Variants in FBXL17 observed in about 807,000 individuals in gnomAD.
FBXL17 encodes F-box and leucine rich repeat protein 17.
A neutral mutation model predicts 66.2 loss-of-function variants in FBXL17; 22 were observed. The ratio of observed to expected loss-of-function variants is 0.33; its 90% CI spans 0.24 to 0.47. The LOEUF (loss-of-function observed/expected upper bound fraction) is 0.47. Ranked by LOEUF, FBXL17 falls within the 20% of genes least tolerant of loss-of-function variation. FBXL17 has a pLI of 1.00. For synonymous variants in FBXL17, 474 were observed against 400.5 expected, an observed-to-expected ratio of 1.18 and a Z score of -2.19; for missense variants, 878 against 948.2, an observed-to-expected ratio of 0.93 and a Z score of 0.97.
intron 7 of FBXL17, among the ~76,000 whole-genome samples, chr5:108,018,577 T>G (rs1011498110): frequency 6.6e-6 from 1 of 152,112 alleles, no homozygotes; most frequent in African/African-American, 2.4e-5. Context: ...TCCTCAATTG[T>G]GCGCCAACAT....
At chr5:108,373,089 T>G (rs1749148424) in intron 1 of FBXL17, among the ~76,000 whole-genome samples, 1 of 150,732 alleles carries the variant, frequency 6.6e-6, no homozygotes. Context: ...TAATATATAG[T>G]GTTAATTATA....
At chr5:108,105,092 C>T (rs1480128929) in intron 6 of FBXL17, among the ~76,000 whole-genome samples, 1 of 152,172 alleles carries the variant, frequency 6.6e-6, no homozygotes, top group African/African-American at 2.4e-5. Flanking sequence ...CCGCCCGCCT[C>T]GGCCTCCCGA....
At chr5:107,999,799 T>G (rs1431779885) in intron 7 of FBXL17, among the ~76,000 whole-genome samples, 1 of 152,204 alleles carries the variant, frequency 6.6e-6, no homozygotes, top group Non-Finnish European at 1.5e-5. Flanking sequence ...GTTGATTGAA[T>G]GAATGGATAA....
chr5:107,885,797 T>C (rs1748946884), intron 7 of FBXL17, among the ~76,000 whole-genome samples: 1 of 152,038 alleles, frequency 6.6e-6, no homozygotes, highest in Non-Finnish European at 1.5e-5. Context: ...TGTGTAACTA[T>C]AAAGGTTGGT....
chr5:108,378,336 TTTTTG>T (rs386690909), intron 1 of FBXL17, among the ~76,000 whole-genome samples: 4,731 of 149,752 alleles, frequency 0.032, 212 homozygotes, highest in African/African-American at 0.1. Context: ...GTTTTTTGTT[TTTTTG>T]TTTTGTTTTG....
chr5:108,083,271 A>T (rs1343858548), intron 6 of FBXL17, among the ~76,000 whole-genome samples: 1 of 152,008 alleles, frequency 6.6e-6, no homozygotes, highest in East Asian at 1.9e-4. Context: ...ATAGACAGAT[A>T]TATTAAGACA....
chr5:108,163,411 T>C (rs887022876), intron 6 of FBXL17, among the ~76,000 whole-genome samples: 4 of 73,410 alleles, frequency 5.4e-5, no homozygotes, highest in African/African-American at 1.3e-4. Context: ...TTTTTTTTTT[T>C]TTTTTTTGAG....
chr5:108,023,576 T>A (rs1337204133), intron 6 of FBXL17, among the ~76,000 whole-genome samples: 3 of 152,094 alleles, frequency 2.0e-5, no homozygotes, highest in Non-Finnish European at 2.9e-5. Context: ...AGATTGTGGG[T>A]GGTGACTATC....
chr5:108,095,391 T>A (rs1227130180), intron 6 of FBXL17, among the ~76,000 whole-genome samples: 3 of 152,214 alleles, frequency 2.0e-5, no homozygotes, highest in African/African-American at 7.2e-5. Flanking sequence ...ATGATATTTA[T>A]GTCCACTGTG....
intron 6 of FBXL17, among the ~76,000 whole-genome samples, chr5:108,027,926 A>T (rs1754891759): frequency 6.6e-6 from 1 of 152,176 alleles, no homozygotes; most frequent in Non-Finnish European, 1.5e-5. Context: ...GTGAGTTTCC[A>T]TCAATTCATA....
chr5:108,381,850 G>A lies in FBXL17; in HGVS notation c.-159C>T, dbSNP rs1484099179. On this transcript the variant is annotated 5_prime_UTR_variant, in exon 1 of 9. Transcript: ENST00000542267. ...CACGGGCACACACGCGACGGTGGGG[G>A]GTGGGCGTCAGCTGCGGGCCGCCGG... is the stretch of plus-strand genomic sequence containing the variant. 2.3e-6 allele frequency: 3 copies of A among 1,297,352 alleles called. No homozygotes were observed. Among genetic ancestry groups the A allele is most frequent in the South Asian group, 2.2e-5 (1 of 45,442 alleles). The allele number at this position is 1,297,352 out of a possible 1,614,324, so 80.4% of individuals were successfully genotyped here.
chr5:107,999,139 C>T (rs2112710913), intron 7 of FBXL17, among the ~76,000 whole-genome samples: 1 of 152,240 alleles, frequency 6.6e-6, no homozygotes, highest in Middle Eastern at 3.4e-3. Context: ...ATATATTCCA[C>T]CTGTCATATT....
chr5:107,868,485 G>A lies in FBXL17; in HGVS notation c.1966-6625C>T, dbSNP rs184082920. Among the ~76,000 whole-genome samples the A allele has an allele frequency of 5.9e-5, 9 of 152,352 alleles. No homozygotes were observed. The East Asian group carries it at 1.5e-3, about 26-fold the overall frequency. On this transcript the variant is annotated intron_variant, in intron 8 of 8. Coordinates refer to ENST00000542267, the MANE Select transcript of FBXL17 (RefSeq NM_001163315.3). The stretch of plus-strand genomic sequence containing the variant: ...ATGATGGAAATGCGATGAAGCTGCA[G>A]GCCTGACCACGGGCCTTTGGATAGG...
intron 6 of FBXL17, among the ~76,000 whole-genome samples, chr5:108,137,327 A>C (rs1751175161): frequency 6.6e-6 from 1 of 152,092 alleles, no homozygotes; most frequent in South Asian, 2.1e-4. Flanking sequence ...TTGTAGGAGG[A>C]GGTAAGAGGA....
At chr5:108,230,913 A>G (rs1755309178) in intron 4 of FBXL17, among the ~76,000 whole-genome samples, 2 of 151,380 alleles carry the variant, frequency 1.3e-5, no homozygotes, top group Non-Finnish European at 2.9e-5. Flanking sequence ...ATGTAACCAA[A>G]TATCACCTGT....
chr5:107,901,097 A>G (rs575488645), intron 7 of FBXL17, among the ~76,000 whole-genome samples: 225 of 152,326 alleles, frequency 1.5e-3, no homozygotes, highest in African/African-American at 5.2e-3. Context: ...CGCTTTTATA[A>G]GAGTTACATA....
chr5:108,170,361 T>C (rs893199259), intron 6 of FBXL17, among the ~76,000 whole-genome samples: 1 of 152,170 alleles, frequency 6.6e-6, no homozygotes, highest in Non-Finnish European at 1.5e-5. Context: ...TAAGATATTA[T>C]ATACATGTCA....
intron 4 of FBXL17, among the ~76,000 whole-genome samples, chr5:108,263,173 C>T (rs912892967): frequency 2.0e-5 from 3 of 152,154 alleles, no homozygotes; most frequent in African/African-American, 7.2e-5. Context: ...AGAATACCTG[C>T]ATGAACACTA....
intron 4 of FBXL17, among the ~76,000 whole-genome samples, chr5:108,337,669 A>G (rs981505719): frequency 1.3e-4 from 19 of 151,158 alleles, no homozygotes; most frequent in African/African-American, 4.6e-4. Context: ...CACATTCTGG[A>G]AGAAAGAAGA....
Sources: gnomAD v4.1 joint callset for allele counts (sites outside exome capture counted in the v4.1 genomes callset) on GRCh38, gnomAD v4.1.1 for gene constraint, MANE v1.5 for transcripts, NCBI Gene and HGNC (gene_info 2026-07-23, HGNC 2026-07-21) for gene names.